The following SSH1 variants were observed in gnomAD, a reference collection of about 807,000 sequenced individuals.
SSH1 encodes protein phosphatase Slingshot homolog 1.
In SSH1, 43 loss-of-function variants were observed where a neutral mutation model predicts 79.7. That is an observed-to-expected ratio of 0.54 (90% CI 0.42 to 0.70). The LOEUF is 0.70. SSH1 is among the 30% of genes least tolerant of loss of function. The probability of loss-of-function intolerance (pLI) is 0.00; values close to 1 mark genes in which losing one functional copy is unlikely to be tolerated. For synonymous variants in SSH1, 599 were observed against 538.3 expected, an observed-to-expected ratio of 1.11 and a Z score of -1.56; for missense variants, 1,206 against 1,358.8, an observed-to-expected ratio of 0.89 and a Z score of 1.77.
intron 14 of SSH1, 143 bp downstream of exon 14, chr12:108,792,143 G>C: frequency 6.6e-7 from 1 of 1,507,018 alleles, no homozygotes; most frequent in Non-Finnish European, 8.9e-7. Flanking sequence ...ATGGGAGCTG[G>C]GGGCCCAGAG....
intron 1 of SSH1, chr12:108,853,369 G>T: frequency 1.0e-6 from 1 of 984,700 alleles, no homozygotes; most frequent in Non-Finnish European, 1.2e-6. Context: ...AGAGCAAACT[G>T]AAAATAAGAA....
intron 13 of SSH1, among the ~76,000 whole-genome samples, chr12:108,795,593 G>T (rs1177246187): frequency 2.0e-5 from 3 of 151,926 alleles, no homozygotes; most frequent in Non-Finnish European, 4.4e-5. Context: ...ATTTGGGCCA[G>T]GTGTGGTGGC....
rs777519736 is a variant in SSH1, at chr12:108,807,574, G to A, written c.731+59C>T. On this transcript the variant is annotated intron_variant, in intron 8 of 14. Transcript: ENST00000326495. The surrounding 1 kb of genome is among the most constrained non-coding windows in gnomAD (Gnocchi z 5.2). ...GTTCAGGGTCGGGCACAGGGCAGGT[G>A]GGGGAGAGGCAGGTGCCTGTGGGCT... 1.8e-5 allele frequency: 28 copies of A among 1,560,206 alleles called. No homozygotes were observed. The highest frequency in any genetic ancestry group is 2.5e-5 in the Non-Finnish European group (28 of 1,134,202).
chr12:108,817,675 G>C (rs559068782), intron 4 of SSH1, among the ~76,000 whole-genome samples: 1 of 152,304 alleles, frequency 6.6e-6, no homozygotes, highest in East Asian at 1.9e-4. Flanking sequence ...TGGCTCAGAG[G>C]AATCACCCAA....
intron 3 of SSH1, among the ~76,000 whole-genome samples, chr12:108,819,076 T>C (rs2038014630): frequency 1.3e-5 from 2 of 151,586 alleles, no homozygotes; most frequent in Admixed American, 1.3e-4. Flanking sequence ...TTCTGCATTT[T>C]CCACTGGAGG....
chr12:108,823,454 C>T, intron 2 of SSH1, 93 bp from the exon 3 acceptor site: 2 of 1,001,624 alleles, frequency 2.0e-6, no homozygotes, highest in Non-Finnish European at 3.1e-6. Context: ...TTAGCGTGGA[C>T]AAATGGCATG....
At position 108,807,022 on chromosome 12, in the gene SSH1, T is replaced by C. The variant is rs1106911; in HGVS notation, c.731+611A>G. 0.29 allele frequency among the ~76,000 whole-genome samples: 44,385 copies of C among 152,106 alleles called. 6,707 individuals are homozygous for C. The highest frequency in any genetic ancestry group is 0.43 in the South Asian group (2,059 of 4,820). The stretch of plus-strand genomic sequence containing the variant: ...ATAGTCTTCCCAAAATGCAGTGTCC[T>C]GGAGGAACACCACACTGTGGGAGCA... On this transcript the variant is annotated intron_variant, in intron 8 of 14. Coordinates refer to ENST00000326495, the MANE Select transcript of SSH1 (RefSeq NM_018984.4). This position sits in a 1 kb window ranked among gnomAD's most constrained non-coding sequence, Gnocchi z 5.2.
At chr12:108,801,212 ATTAC>A (rs1456398988) in intron 11 of SSH1, among the ~76,000 whole-genome samples, 3 of 152,202 alleles carry the variant, frequency 2.0e-5, no homozygotes, top group Non-Finnish European at 4.4e-5. Flanking sequence ...AAATATACGT[ATTAC>A]TTAAATTTAT....
intron 2 of SSH1, among the ~76,000 whole-genome samples, chr12:108,830,012 G>A (rs1198743089): frequency 6.6e-6 from 1 of 152,152 alleles, no homozygotes; most frequent in African/African-American, 2.4e-5. Flanking sequence ...AGGCTGAGGT[G>A]GGAGAATCAC....
chr12:108,857,282 G>T lies in SSH1; in HGVS notation c.69+146C>A. The T allele has an allele frequency of 3.7e-6, 1 of 270,582 alleles. No homozygotes were observed. The highest frequency in any genetic ancestry group is 5.7e-6 in the Non-Finnish European group (1 of 176,420). The allele number at this position is 270,582 out of a possible 1,614,324, so 16.8% of individuals were successfully genotyped here. ...CACACAGTCCTCGCACGGTCACCCCGGTCCGGCTGCCCGGCTCTGTTCCTA... is the reference window on the plus strand; with the variant it reads ...CACACAGTCCTCGCACGGTCACCCCTGTCCGGCTGCCCGGCTCTGTTCCTA... On this transcript the variant is annotated intron_variant, in intron 1 of 14. Transcript: ENST00000326495. This position sits in a 1 kb window ranked among gnomAD's most constrained non-coding sequence, Gnocchi z 4.7.
At chr12:108,812,845 G>A (rs535559725) in intron 5 of SSH1, among the ~76,000 whole-genome samples, 14 of 149,052 alleles carry the variant, frequency 9.4e-5, no homozygotes, top group African/African-American at 3.0e-4. Flanking sequence ...AAGACCCATG[G>A]GAAGCATATT....
intron 10 of SSH1, among the ~76,000 whole-genome samples, chr12:108,803,915 C>T (rs937704016): frequency 6.6e-6 from 1 of 152,086 alleles, no homozygotes; most frequent in Non-Finnish European, 1.5e-5. Context: ...ATGACATATA[C>T]ATAACTCTTA....
At chr12:108,812,750 G>A (rs969825244) in intron 5 of SSH1, among the ~76,000 whole-genome samples, 6 of 152,312 alleles carry the variant, frequency 3.9e-5, no homozygotes, top group Admixed American at 1.3e-4. Context: ...ACAACTGCAC[G>A]CATCTCCTAT....
At chr12:108,795,396 C>G (rs2036705220) in intron 13 of SSH1, among the ~76,000 whole-genome samples, 1 of 152,016 alleles carries the variant, frequency 6.6e-6, no homozygotes, top group South Asian at 2.1e-4. Context: ...ATTACAGGCA[C>G]ACGCCACCAC....
At chr12:108,845,399 G>A (rs78031460) in intron 2 of SSH1, among the ~76,000 whole-genome samples, 8,034 of 152,034 alleles carry the variant, frequency 0.053, 277 homozygotes, top group Non-Finnish European at 0.081. Flanking sequence ...GCCTGGGTGC[G>A]GTGGCTGGCC....
chr12:108,852,282 C>A (rs2039057087), intron 2 of SSH1, among the ~76,000 whole-genome samples: 1 of 149,158 alleles, frequency 6.7e-6, no homozygotes. Flanking sequence ...TGTCGCCAGG[C>A]TGGAGTGCAG....
rs2036302829 is a variant in SSH1 at position 108,787,217 on chromosome 12, A to C, written c.*771T>G. The C allele has an allele frequency of 6.6e-6, 1 of 152,256 alleles. No homozygotes were observed. Among genetic ancestry groups the C allele is most frequent in the Admixed American group, 6.5e-5 (1 of 15,282 alleles). The allele number at this position is 152,256 out of a possible 1,614,324, so 9.4% of individuals were successfully genotyped here. A position where few individuals can be genotyped will look rare whatever the true frequency, so the allele number is the denominator to read the frequency against. ...GGTGGGCCCTTCCCCTTGAGATTTA[A>C]ACTTCAGCATTAGCAACAACTGAGA... On this transcript the variant is annotated 3_prime_UTR_variant, in exon 15 of 15. Transcript: ENST00000326495.
At chr12:108,802,716 G>A (rs184594091) in intron 10 of SSH1, among the ~76,000 whole-genome samples, 8 of 152,120 alleles carry the variant, frequency 5.3e-5, no homozygotes, top group East Asian at 1.9e-4. Context: ...AATGACCTGC[G>A]ACCTCCCACC....
rs147250434 is a variant in SSH1, at chr12:108,839,405, G to T, written c.110+13233C>A. Among the ~76,000 whole-genome samples, 843 of 152,328 alleles carry T rather than the reference G, an allele frequency of 5.5e-3. 4 individuals are homozygous for T. The highest frequency in any genetic ancestry group is 9.2e-3 in the Non-Finnish European group (628 of 68,032). The stretch of plus-strand genomic sequence containing the variant: ...AACAGACACAGCGTGGCACGGGTGG[G>T]CCTGGCCACTGGGGAAGTGACAAGT... On this transcript the variant is annotated intron_variant, in intron 2 of 14. Transcript: ENST00000326495.
Sources: allele counts gnomAD v4.1 joint callset (sites outside exome capture counted in the v4.1 genomes callset), GRCh38; gene constraint gnomAD v4.1.1; non-coding constraint Gnocchi (gnomAD v3.1); transcripts MANE v1.5; gene names NCBI Gene and HGNC (gene_info 2026-07-23, HGNC 2026-07-21).